The following MCC variants were observed in gnomAD, a reference collection of about 807,000 sequenced individuals.
The protein encoded by MCC is colorectal mutant cancer protein.
Under a neutral mutation model 116.2 loss-of-function variants are expected in MCC, and 90 were observed. That is an observed-to-expected ratio of 0.77 (90% CI 0.65 to 0.92). The LOEUF is 0.92. Ranked by LOEUF, MCC falls within the 40% of genes least tolerant of loss-of-function variation. The pLI, the probability that MCC is intolerant of heterozygous loss-of-function variation, is 0.00. For synonymous variants in MCC, 578 were observed against 510.5 expected (o/e 1.13, Z -1.78); for missense variants, 1,516 against 1,312.2 (o/e 1.16, Z -2.40).
At chr5:113,183,812 C>T (rs1005744) in intron 3 of MCC, among the ~76,000 whole-genome samples, 7,783 of 152,184 alleles carry the variant, frequency 0.051, 252 homozygotes, top group Non-Finnish European at 0.06. Flanking sequence ...CTGTCTGAAG[C>T]AAGACTTGTG....
intron 3 of MCC, among the ~76,000 whole-genome samples, chr5:113,328,360 C>A (rs1476281110): frequency 6.6e-6 from 1 of 152,118 alleles, no homozygotes; most frequent in African/African-American, 2.4e-5. Context: ...AAGGTTTTGC[C>A]CTGATCCATG....
chr5:113,054,166 C>T (rs570608616), intron 14 of MCC, among the ~76,000 whole-genome samples: 1 of 152,318 alleles, frequency 6.6e-6, no homozygotes, highest in African/African-American at 2.4e-5. Context: ...GCTTACACTC[C>T]TTGACGCAAC....
At chr5:113,488,026 G>A (rs929570791) in intron 1 of MCC, among the ~76,000 whole-genome samples, 1 of 152,076 alleles carries the variant, frequency 6.6e-6, no homozygotes, top group Non-Finnish European at 1.5e-5. Flanking sequence ...GACAGCGCTG[G>A]GAAAAGTTGG....
intron 8 of MCC, among the ~76,000 whole-genome samples, chr5:113,094,035 T>G (rs1755839867): frequency 6.6e-6 from 1 of 152,218 alleles, no homozygotes; most frequent in South Asian, 2.1e-4. Flanking sequence ...TTAGTCCCTG[T>G]GTAGTTTTTG....
At chr5:113,418,969 G>C (rs1455606396) in intron 1 of MCC, among the ~76,000 whole-genome samples, 1 of 152,070 alleles carries the variant, frequency 6.6e-6, no homozygotes, top group African/African-American at 2.4e-5. Context: ...ACTTGCAGGA[G>C]AACTGAACAA....
At chr5:113,292,005 G>A (rs368502623) in intron 3 of MCC, among the ~76,000 whole-genome samples, 12 of 152,224 alleles carry the variant, frequency 7.9e-5, no homozygotes, top group Admixed American at 2.6e-4. Flanking sequence ...CGAGGCAGGC[G>A]GATCTCTTTA....
At chr5:113,297,832 A>C (rs1766753677) in intron 3 of MCC, among the ~76,000 whole-genome samples, 1 of 151,540 alleles carries the variant, frequency 6.6e-6, no homozygotes, top group South Asian at 2.1e-4. Context: ...GAAATTGTGG[A>C]GAAAACAGGA....
At chr5:113,300,522 T>C (rs967895583) in intron 3 of MCC, among the ~76,000 whole-genome samples, 4 of 152,162 alleles carry the variant, frequency 2.6e-5, no homozygotes, top group Admixed American at 2.6e-4. Flanking sequence ...TTGAAATAAT[T>C]CTTAAATTGG....
At chr5:113,226,416 A>G (rs1482935649) in intron 3 of MCC, among the ~76,000 whole-genome samples, 2 of 152,266 alleles carry the variant, frequency 1.3e-5, no homozygotes, top group African/African-American at 4.8e-5. Context: ...CAATGAACAT[A>G]TCTGCACAGG....
chr5:113,125,159 T>C (rs912636277), intron 5 of MCC, among the ~76,000 whole-genome samples: 12 of 152,184 alleles, frequency 7.9e-5, no homozygotes, highest in South Asian at 2.1e-4. Flanking sequence ...AAGGAAAATA[T>C]ATTGCACCGG....
At position 113,027,354 on chromosome 5, in the gene MCC, G is replaced by A; in HGVS notation, c.3008C>T (p.Ala1003Val). 1 of 1,614,166 alleles carries A rather than the reference G, an allele frequency of 6.2e-7. No individual in the cohort carries two copies. Among genetic ancestry groups the A allele is most frequent in the East Asian group, 2.2e-5 (1 of 44,888 alleles). The part of the protein sequence containing the change: ...TQVRMLKQRI[A>V]LLEEENSRPH... The stretch of plus-strand genomic sequence containing the variant: ...CCTGGAGTTCTCCTCCTCTAGCAGA[G>A]CTATTCTTTGCTTGAGCATCCTCAC... Residue 1003 changes from alanine (A) to valine (V), a missense_variant, in exon 19 of 19, where the codon GCT becomes GTT. Ala to Val is a moderately conservative substitution (Grantham distance 64). Transcript: ENST00000408903.
chr5:113,321,211 G>T (rs1767415290), intron 3 of MCC, among the ~76,000 whole-genome samples: 1 of 152,100 alleles, frequency 6.6e-6, no homozygotes, highest in Admixed American at 6.5e-5. Flanking sequence ...TTGAAGTCTA[G>T]AAATAAAACC....
chr5:113,111,862 C>T (rs570719331), intron 6 of MCC, among the ~76,000 whole-genome samples: 59 of 152,188 alleles, frequency 3.9e-4, no homozygotes, highest in Non-Finnish European at 7.3e-4. Flanking sequence ...TAAACACACA[C>T]CAGTGGACAA....
chr5:113,188,616 A>G (rs912479433), intron 3 of MCC, among the ~76,000 whole-genome samples: 1 of 152,236 alleles, frequency 6.6e-6, no homozygotes, highest in Non-Finnish European at 1.5e-5. Context: ...TCAGAGGAGT[A>G]TGGTATAAAG....
chr5:113,226,450 C>T (rs1763744041), intron 3 of MCC, among the ~76,000 whole-genome samples: 1 of 152,186 alleles, frequency 6.6e-6, no homozygotes, highest in South Asian at 2.1e-4. Context: ...GAAAAGATTC[C>T]TGGAGAAGTG....
chr5:113,368,425 T>A (rs1241209352), intron 2 of MCC, among the ~76,000 whole-genome samples: 3 of 152,180 alleles, frequency 2.0e-5, no homozygotes, highest in African/African-American at 7.2e-5. Context: ...TTTGTTTTCT[T>A]TGTTTACTCT....
At chr5:113,111,843 T>A (rs768910018) in intron 6 of MCC, among the ~76,000 whole-genome samples, 1 of 152,234 alleles carries the variant, frequency 6.6e-6, no homozygotes, top group African/African-American at 2.4e-5. Context: ...ATGAGCCTTC[T>A]GGCTTAGTTA....
At chr5:113,178,924 T>TACA (rs59728171) in intron 3 of MCC, among the ~76,000 whole-genome samples, 22,044 of 41,778 alleles carry the variant, frequency 0.53, 2,001 homozygotes, top group African/African-American at 0.54. Context: ...AAAAAAATCT[T>TACA]ATAATATTTA....
At chr5:113,170,656 T>C (rs766995407) in intron 3 of MCC, among the ~76,000 whole-genome samples, 2 of 152,196 alleles carry the variant, frequency 1.3e-5, no homozygotes, top group Non-Finnish European at 2.9e-5. Context: ...GACTTTTATA[T>C]ATAACTCTCC....
Sources: allele counts gnomAD v4.1 joint callset (sites outside exome capture counted in the v4.1 genomes callset), GRCh38; gene constraint gnomAD v4.1.1; transcripts MANE v1.5; gene names NCBI Gene and HGNC (gene_info 2026-07-23, HGNC 2026-07-21).